TASOR2: variants seen among roughly 807,000 people sequenced by gnomAD.
TASOR2 encodes transcription activation suppressor family member 2.
In TASOR2, 84 loss-of-function variants were observed where a neutral mutation model predicts 199.5. The ratio of observed to expected loss-of-function variants is 0.42; its 90% CI spans 0.35 to 0.50. The LOEUF (loss-of-function observed/expected upper bound fraction) is 0.50. TASOR2 is among the 20% of genes least tolerant of loss of function. The pLI is 0.02. For synonymous variants in TASOR2, 1,103 were observed against 1,046.6 expected, an observed-to-expected ratio of 1.05 and a Z score of -1.04; for missense variants, 2,796 against 2,835.9, an observed-to-expected ratio of 0.99 and a Z score of 0.32.
chr10:5,737,610 TG>T lies in TASOR2; in HGVS notation c.1448-2007del, dbSNP rs1257060548. Among the ~76,000 whole-genome samples, 3 of 152,190 alleles carry T rather than the reference TG, an allele frequency of 2.0e-5. No homozygotes were observed. The highest frequency in any genetic ancestry group is 7.2e-5 in the African/African-American group (3 of 41,440). ...CCCACAGGGAGGCGTTTTCTCATGT[TG>T]TGACTGTAACTAATCTCTCACTTCT... On this transcript the variant is annotated intron_variant, in intron 12 of 20. Transcript: ENST00000328090. This position sits in a 1 kb window ranked among gnomAD's most constrained non-coding sequence, Gnocchi z 4.9.
At chr10:5,759,159 C>T (rs991487754) in intron 18 of TASOR2, among the ~76,000 whole-genome samples, 167 bp downstream of exon 19, 5 of 152,128 alleles carry the variant, frequency 3.3e-5, no homozygotes, top group African/African-American at 1.2e-4. Flanking sequence ...GTGCTGTGAC[C>T]GTAGCCAACA....
chr10:5,752,489 GGTCT>G lies in TASOR2; in HGVS notation c.6606+2467_6606+2470del, dbSNP rs1331760505. ...GTGTGTCGGCTCCACATGCCCACTG[GGTCT>G]GTCTCAGACTTCACTTACATCACTT... is the stretch of plus-strand genomic sequence containing the variant. On this transcript the variant is annotated intron_variant, in intron 15 of 20. Transcript: ENST00000328090. This position sits in a 1 kb window ranked among gnomAD's most constrained non-coding sequence, Gnocchi z 4.4. Among the ~76,000 whole-genome samples the G allele has an allele frequency of 6.6e-6, 1 of 152,280 alleles. No individual in the cohort carries two copies. Among genetic ancestry groups the G allele is most frequent in the Non-Finnish European group, 1.5e-5 (1 of 68,022 alleles).
rs979638303 is a variant in TASOR2 at position 5,710,617 on chromosome 10, G to T, written c.-287-2206G>T. 2.0e-5 allele frequency among the ~76,000 whole-genome samples: 3 copies of T among 151,912 alleles called. No individual in the cohort carries two copies. The highest frequency in any genetic ancestry group is 7.3e-5 in the African/African-American group (3 of 41,378). ...TCTCTTCAGTTTTCAGTTCATTATTGTGCATTATGATGCTCAAAAATGAGG... is the reference window on the plus strand; with the variant it reads ...TCTCTTCAGTTTTCAGTTCATTATTTTGCATTATGATGCTCAAAAATGAGG... On this transcript the variant is annotated intron_variant, in intron 1 of 20. Transcript: ENST00000328090. This position sits in a 1 kb window ranked among gnomAD's most constrained non-coding sequence, Gnocchi z 4.6.
chr10:5,687,127 G>A lies in TASOR2; in HGVS notation c.-288+1952G>A, dbSNP rs775244256. Reference sequence around the variant, plus strand: ...TGTCATTAATATGTACTGACAAAGCGTATCTGTGTAATAAATATGCTTTTT... The same window carrying A: ...TGTCATTAATATGTACTGACAAAGCATATCTGTGTAATAAATATGCTTTTT... On this transcript the variant is annotated intron_variant, in intron 1 of 20. Transcript: ENST00000328090. This position sits in a 1 kb window ranked among gnomAD's most constrained non-coding sequence, Gnocchi z 4.8. 5.3e-5 allele frequency among the ~76,000 whole-genome samples: 8 copies of A among 151,980 alleles called. No homozygotes were observed. Among genetic ancestry groups the A allele is most frequent in the African/African-American group, 1.2e-4 (5 of 41,360 alleles).
chr10:5,743,688 A>T (rs1044850353), intron 14 of TASOR2, among the ~76,000 whole-genome samples: 3 of 152,184 alleles, frequency 2.0e-5, no homozygotes, highest in Non-Finnish European at 4.4e-5. Flanking sequence ...AGTCAGGGAG[A>T]TTTAAATTAA....
At chr10:5,688,395 A>ATTTTTTTTTTTTTTTTTTTT (rs34362647) in intron 1 of TASOR2, among the ~76,000 whole-genome samples, 1 of 99,892 alleles carries the variant, frequency 1.0e-5, no homozygotes, top group Non-Finnish European at 1.9e-5. Context: ...CTAATTTTTA[A>ATTTTTTTTTTTTTTTTTTTT]TTTTTTTTTT....
chr10:5,727,963 T>C (rs770049445), intron 10 of TASOR2, among the ~76,000 whole-genome samples: 2 of 152,172 alleles, frequency 1.3e-5, no homozygotes, highest in Non-Finnish European at 2.9e-5. Context: ...AGCTCACACC[T>C]GTAATCCCAG....
At chr10:5,745,100 G>A (rs1443759233) in intron 14 of TASOR2, among the ~76,000 whole-genome samples, 1 of 152,170 alleles carries the variant, frequency 6.6e-6, no homozygotes, top group Non-Finnish European at 1.5e-5. Context: ...GGCCATGCTT[G>A]AGGCTTTAAA....
rs1031063960 is a variant in TASOR2, at chr10:5,754,970, C to T, written c.6607-1643C>T. On this transcript the variant is annotated intron_variant, in intron 15 of 20. Coordinates refer to ENST00000328090, the Ensembl canonical transcript of TASOR2. This position sits in a 1 kb window ranked among gnomAD's most constrained non-coding sequence, Gnocchi z 4.3. Reference sequence around the variant, plus strand: ...CTGAGGCAGGAGAATGGCGTGAACCCGGGAGGCAGAGCTTGCAGTGAGCCG... The same window carrying T: ...CTGAGGCAGGAGAATGGCGTGAACCTGGGAGGCAGAGCTTGCAGTGAGCCG... 4.1e-4 allele frequency among the ~76,000 whole-genome samples: 60 copies of T among 146,412 alleles called. No homozygotes were observed. Among genetic ancestry groups the T allele is most frequent in the African/African-American group, 1.4e-3 (56 of 39,584 alleles).
intron 6 of TASOR2, 66 bp from the exon 8 acceptor site, chr10:5,723,611 C>A: frequency 2.8e-6 from 3 of 1,053,288 alleles, no homozygotes; most frequent in Non-Finnish European, 3.9e-6. Flanking sequence ...ATTAGAAAAC[C>A]AAAACTTAAG....
chr10:5,762,756 A>G, intron 20 of TASOR2, 110 bp downstream of exon 21: 2 of 711,218 alleles, frequency 2.8e-6, no homozygotes, highest in Non-Finnish European at 2.5e-6. Flanking sequence ...TACATACTTC[A>G]TGCTATAAAT....
chr10:5,763,164 A>C (rs183243244), exon 21 of TASOR2: 5 of 873,970 alleles, frequency 5.7e-6, no homozygotes, highest in Non-Finnish European at 8.6e-6. Context: ...TACAACTTGG[A>C]AAGTTTTCAT....
At chr10:5,717,107 C>T (rs191133350) in intron 2 of TASOR2, among the ~76,000 whole-genome samples, 2 of 150,610 alleles carry the variant, frequency 1.3e-5, no homozygotes, top group Admixed American at 6.6e-5. Context: ...AGGCTGGCTT[C>T]AGTAGAGTGG....
At position 5,708,586 on chromosome 10, in the gene TASOR2, CTCTT is replaced by C. The variant is rs576420282; in HGVS notation, c.-287-4233_-287-4230del. Among the ~76,000 whole-genome samples, 82 of 150,810 alleles carry C rather than the reference CTCTT, an allele frequency of 5.4e-4. 2 individuals are homozygous for C. In the South Asian group the frequency reaches 0.013, roughly 25 times the overall value. On this transcript the variant is annotated intron_variant, in intron 1 of 20. Transcript: ENST00000328090. ...TTTCTTTCTTTCTCTCCTTTTCTCT[CTCTT>C]TCTCTATCTCTTCCTTCCTCCCTCC... is the stretch of plus-strand genomic sequence containing the variant.
chr10:5,729,119 C>T (rs551810804), intron 10 of TASOR2, among the ~76,000 whole-genome samples: 1 of 152,008 alleles, frequency 6.6e-6, no homozygotes, highest in Non-Finnish European at 1.5e-5. Flanking sequence ...GAGGCCAAGG[C>T]GGGCGGATCA....
intron 1 of TASOR2, among the ~76,000 whole-genome samples, chr10:5,686,890 ACTTT>A (rs1835874111): frequency 6.6e-6 from 1 of 152,084 alleles, no homozygotes; most frequent in Non-Finnish European, 1.5e-5. Context: ...ATATTTTGGT[ACTTT>A]CTTTTGAAAA....
intron 2 of TASOR2, among the ~76,000 whole-genome samples, chr10:5,713,227 C>A (rs1304293799): frequency 6.6e-6 from 1 of 152,050 alleles, no homozygotes; most frequent in Admixed American, 6.5e-5. Context: ...TTTTTCCATT[C>A]TGGATTATCG....
chr10:5,744,804 T>C (rs1286430079), intron 14 of TASOR2, among the ~76,000 whole-genome samples: 1 of 152,188 alleles, frequency 6.6e-6, no homozygotes, highest in Non-Finnish European at 1.5e-5. Context: ...AATTTTTGTA[T>C]TTTTAGTAGA....
At chr10:5,693,057 A>C (rs554432605) in intron 1 of TASOR2, 1 of 152,340 alleles carries the variant, frequency 6.6e-6, no homozygotes, top group Non-Finnish European at 1.5e-5. Context: ...AAATGGGCCT[A>C]TTCTGTCTAG....
Sources: gnomAD v4.1 joint callset for allele counts (sites outside exome capture counted in the v4.1 genomes callset) on GRCh38, gnomAD v4.1.1 for gene constraint, Gnocchi (gnomAD v3.1) non-coding constraint, MANE v1.5 for transcripts, NCBI Gene and HGNC (gene_info 2026-07-23, HGNC 2026-07-21) for gene names.